Variants in CCDC73 observed in about 807,000 individuals in gnomAD.
CCDC73 encodes the protein coiled-coil domain containing 73, also known as coiled-coil domain-containing protein 73.
CCDC73 carries 95 observed loss-of-function variants against 116.5 expected under a neutral mutation model. The ratio of observed to expected loss-of-function variants is 0.82; its 90% CI spans 0.69 to 0.97. The LOEUF (loss-of-function observed/expected upper bound fraction) is 0.97. CCDC73 is among the 50% of genes least tolerant of loss of function. The probability of loss-of-function intolerance (pLI) is 0.00; values close to 1 mark genes in which losing one functional copy is unlikely to be tolerated. For synonymous variants in CCDC73, 398 were observed against 401.3 expected, an observed-to-expected ratio of 0.99 and a Z score of 0.10; for missense variants, 1,066 against 1,206.8, an observed-to-expected ratio of 0.88 and a Z score of 1.73.
At chr11:32,783,466 A>C (rs564205752) in intron 1 of CCDC73, among the ~76,000 whole-genome samples, 2 of 152,252 alleles carry the variant, frequency 1.3e-5, no homozygotes, top group South Asian at 2.1e-4. Flanking sequence ...CTATAACAAA[A>C]TATCAGACCA....
intron 2 of CCDC73, among the ~76,000 whole-genome samples, chr11:32,740,176 T>C (rs1850171290): frequency 6.6e-6 from 1 of 152,034 alleles, no homozygotes; most frequent in South Asian, 2.1e-4. Context: ...CTTTGTCTGG[T>C]TTGGTATCAG....
At chr11:32,621,791 G>T (rs1855525054) in intron 14 of CCDC73, among the ~76,000 whole-genome samples, 1 of 152,248 alleles carries the variant, frequency 6.6e-6, no homozygotes, top group South Asian at 2.1e-4. Context: ...TCCAGAATTT[G>T]CAGGGAACTT....
intron 9 of CCDC73, 122 bp from the exon 10 acceptor site, chr11:32,655,094 G>GTTC (rs58121007): frequency 8.7e-6 from 5 of 573,484 alleles, no homozygotes; most frequent in African/African-American, 8.0e-5. Context: ...TAATTCCCTT[G>GTTC]CAAGTTCCCT....
At chr11:32,670,318 C>G (rs1293029348) in intron 9 of CCDC73, among the ~76,000 whole-genome samples, 1 of 152,028 alleles carries the variant, frequency 6.6e-6, no homozygotes. Flanking sequence ...GTCAGGAGAT[C>G]GAGACCATCC....
intron 1 of CCDC73, among the ~76,000 whole-genome samples, chr11:32,761,642 G>A (rs1343374276): frequency 1.3e-5 from 2 of 152,118 alleles, no homozygotes; most frequent in African/African-American, 4.8e-5. Flanking sequence ...ATTCTGATAA[G>A]TATTATACTA....
intron 2 of CCDC73, among the ~76,000 whole-genome samples, chr11:32,721,543 A>C (rs1377149904): frequency 6.6e-6 from 1 of 152,020 alleles, no homozygotes; most frequent in East Asian, 1.9e-4. Flanking sequence ...CAAAGAGTAG[A>C]TATTAACATA....
intron 7 of CCDC73, 42 bp from the exon 8 acceptor site, chr11:32,676,063 C>T (rs761136869): frequency 1.4e-6 from 2 of 1,427,948 alleles, no homozygotes; most frequent in South Asian, 1.5e-5. Flanking sequence ...ATATAACACA[C>T]ACACATCGCC....
rs1449357094 is a variant in CCDC73 at position 32,683,555 on chromosome 11, T to C, written c.410A>G (p.Gln137Arg). The part of the protein sequence containing the change: ...KALQVSKYSL[Q>R]KKVSEMEQKV... ...CCTTACCATTTCACTCACTTTCTTC[T>C]GTAAAGAGTATTTAGAAACCTTGAA... is the stretch of plus-strand genomic sequence containing the variant. The change falls in exon 7 of 18, where the codon CAG (glutamine) becomes CGG (arginine). Residue 137 changes from glutamine to arginine, a missense_variant. Physicochemically the swap from Gln to Arg is conservative, Grantham distance 43. Coordinates refer to ENST00000335185, the MANE Select transcript of CCDC73 (RefSeq NM_001008391.4). 1 of 1,520,726 alleles carries C rather than the reference T, an allele frequency of 6.6e-7. No homozygotes were observed. Among genetic ancestry groups the C allele is most frequent in the East Asian group, 2.3e-5 (1 of 44,310 alleles). 94.2% of individuals were successfully genotyped at this position (1,520,726 alleles called of 1,614,324 possible). A position where few individuals can be genotyped will look rare whatever the true frequency, so the allele number is the denominator to read the frequency against.
intron 2 of CCDC73, among the ~76,000 whole-genome samples, chr11:32,748,474 T>G (rs1360842753): frequency 6.6e-6 from 1 of 152,226 alleles, no homozygotes; most frequent in Non-Finnish European, 1.5e-5. Context: ...TTTTTACATT[T>G]TTGTTGTTTC....
the CCDC73 span, among the ~76,000 whole-genome samples, chr11:32,815,744 T>G: frequency 6.6e-6 from 1 of 152,230 alleles, no homozygotes; most frequent in South Asian, 2.1e-4. Context: ...ACCTGCCACC[T>G]TAGCTCTTGA....
At chr11:32,616,221 G>A in intron 14 of CCDC73, 92 bp from the exon 15 acceptor site, 5 of 1,273,372 alleles carry the variant, frequency 3.9e-6, no homozygotes, top group Non-Finnish European at 4.2e-6. Context: ...CTGTGTTTCA[G>A]TTCAACCATT....
chr11:32,619,137 G>GA (rs1855500401), intron 14 of CCDC73, among the ~76,000 whole-genome samples: 1 of 152,008 alleles, frequency 6.6e-6, no homozygotes, highest in Non-Finnish European at 1.5e-5. Flanking sequence ...TGATAGTTTT[G>GA]TTTTTTTACT....
intron 2 of CCDC73, among the ~76,000 whole-genome samples, chr11:32,740,556 T>C (rs770477209): frequency 1.5e-4 from 23 of 152,056 alleles, no homozygotes; most frequent in Non-Finnish European, 2.9e-4. Context: ...TCATCTCTGA[T>C]TTTATTTATT....
At chr11:32,784,244 C>G (rs546207521) in intron 1 of CCDC73, among the ~76,000 whole-genome samples, 2 of 151,842 alleles carry the variant, frequency 1.3e-5, no homozygotes, top group Non-Finnish European at 2.9e-5. Context: ...GCAGGAGAAT[C>G]GCTTGAACCT....
In CCDC73 at chr11:32,641,819, G is replaced by T. The variant is rs551204232; in HGVS notation, c.1050+153C>A. Among the ~76,000 whole-genome samples, 6 of 151,240 alleles carry T rather than the reference G, an allele frequency of 4.0e-5. No individual in the cohort carries two copies. The East Asian group carries it at 1.2e-3, about 29-fold the overall frequency. On this transcript the variant is annotated intron_variant, in intron 13 of 17. Transcript: ENST00000335185. Reference sequence around the variant, plus strand: ...TTTCATTAAATTTAGCTTTTAAAAAGCATTCACCTTTTTGGAAATATGAGA... The same window carrying T: ...TTTCATTAAATTTAGCTTTTAAAAATCATTCACCTTTTTGGAAATATGAGA...
intron 13 of CCDC73, among the ~76,000 whole-genome samples, chr11:32,637,003 C>CA (rs1223669289): frequency 7.3e-6 from 1 of 136,908 alleles, no homozygotes; most frequent in Non-Finnish European, 1.5e-5. Flanking sequence ...CTGTCTGTTT[C>CA]ACTTTTTCTT....
At chr11:32,679,486 C>A (rs1856124870) in intron 7 of CCDC73, among the ~76,000 whole-genome samples, 1 of 152,130 alleles carries the variant, frequency 6.6e-6, no homozygotes, top group African/African-American at 2.4e-5. Flanking sequence ...GCCTCAGCCT[C>A]CCGAGTAGCT....
chr11:32,628,393 A>G, intron 14 of CCDC73, among the ~76,000 whole-genome samples: 1 of 152,232 alleles, frequency 6.6e-6, no homozygotes, highest in East Asian at 1.9e-4. Flanking sequence ...ACCCAGAAAA[A>G]GAGCTCCAGG....
At chr11:32,670,656 C>T (rs1856030479) in intron 9 of CCDC73, among the ~76,000 whole-genome samples, 1 of 152,140 alleles carries the variant, frequency 6.6e-6, no homozygotes, top group Admixed American at 6.5e-5. Context: ...GCTTTTAATT[C>T]TCTACATAAA....
Sources: allele counts gnomAD v4.1 joint callset (sites outside exome capture counted in the v4.1 genomes callset), GRCh38; gene constraint gnomAD v4.1.1; transcripts MANE v1.5; gene names NCBI Gene and HGNC (gene_info 2026-07-23, HGNC 2026-07-21).